Variants in SYBU observed in about 807,000 individuals in gnomAD.
SYBU encodes the protein syntabulin, also known as GOLSYN A protein.
A neutral mutation model predicts 35.9 loss-of-function variants in SYBU; 21 were observed. The ratio of observed to expected loss-of-function variants is 0.58; its 90% CI spans 0.41 to 0.84. The LOEUF (loss-of-function observed/expected upper bound fraction) is 0.84, where lower values mean the gene tolerates loss of function less well. Ranked by LOEUF, SYBU falls within the 40% of genes least tolerant of loss-of-function variation. The pLI is 0.00. For synonymous variants in SYBU, 319 were observed against 324.3 expected (o/e 0.98, Z 0.18); for missense variants, 768 against 848.2 (o/e 0.91, Z 1.17).
chr8:109,684,396 T>G (rs1817472224), upstream of SYBU, among the ~76,000 whole-genome samples: 1 of 152,226 alleles, frequency 6.6e-6, no homozygotes, highest in Admixed American at 6.5e-5. Context: ...TGGTAAGAGC[T>G]GAATAATAGA....
chr8:109,597,888 C>A (rs781224179), intron 3 of SYBU, among the ~76,000 whole-genome samples: 2 of 152,164 alleles, frequency 1.3e-5, no homozygotes, highest in Non-Finnish European at 2.9e-5. Context: ...GCGAGTCAGG[C>A]AATTATGGGA....
At chr8:109,676,843 G>T (rs551320625) in intron 1 of SYBU, among the ~76,000 whole-genome samples, 11 of 152,302 alleles carry the variant, frequency 7.2e-5, no homozygotes, top group African/African-American at 2.6e-4. Flanking sequence ...GAGGGAATGG[G>T]ATTCTCTGCA....
At chr8:109,615,827 G>A (rs1463544420) in intron 3 of SYBU, among the ~76,000 whole-genome samples, 1 of 151,868 alleles carries the variant, frequency 6.6e-6, no homozygotes, top group Non-Finnish European at 1.5e-5. Flanking sequence ...CCCCTGAAAT[G>A]GTATGTGATA....
intron 1 of SYBU, among the ~76,000 whole-genome samples, chr8:109,663,847 T>C (rs553734089): frequency 2.0e-5 from 3 of 152,318 alleles, no homozygotes; most frequent in African/African-American, 7.2e-5. Flanking sequence ...CAGGTTGTCC[T>C]ATACTTCTGA....
chr8:109,645,663 G>A (rs1397808318), upstream of SYBU: 3 of 277,442 alleles, frequency 1.1e-5, no homozygotes, highest in Non-Finnish European at 2.0e-5. Flanking sequence ...CTGTTGAAAC[G>A]GCATCTCGTT....
At chr8:109,658,075 T>C (rs1482880338) in intron 1 of SYBU, among the ~76,000 whole-genome samples, 1 of 152,188 alleles carries the variant, frequency 6.6e-6, no homozygotes, top group Non-Finnish European at 1.5e-5. Context: ...CCATACAAAA[T>C]CCCTTTCTTG....
intron 1 of SYBU, among the ~76,000 whole-genome samples, chr8:109,689,646 A>G (rs577056034): frequency 3.9e-5 from 6 of 152,068 alleles, no homozygotes; most frequent in Non-Finnish European, 8.8e-5. Flanking sequence ...ATTTTATCTT[A>G]TATGTAGATT....
At chr8:109,645,276 A>T (rs1288582510), upstream of SYBU, 2 of 456,586 alleles carry the variant, frequency 4.4e-6, no homozygotes, top group South Asian at 3.1e-5. Flanking sequence ...AGCTGCAGAG[A>T]TCCCTCTCGT....
At chr8:109,641,191 T>C (rs1033394456) in intron 2 of SYBU, among the ~76,000 whole-genome samples, 1 of 152,206 alleles carries the variant, frequency 6.6e-6, no homozygotes, top group South Asian at 2.1e-4. Flanking sequence ...TGTGCTTCAA[T>C]GGGAATAAAA....
At chr8:109,657,804 A>G (rs1295962967) in intron 1 of SYBU, among the ~76,000 whole-genome samples, 1 of 152,142 alleles carries the variant, frequency 6.6e-6, no homozygotes, top group Admixed American at 6.6e-5. Context: ...TGTTTAATAA[A>G]CATTTCATGT....
At chr8:109,640,702 T>C (rs911589292) in intron 2 of SYBU, among the ~76,000 whole-genome samples, 4 of 152,018 alleles carry the variant, frequency 2.6e-5, no homozygotes, top group African/African-American at 9.7e-5. Context: ...TTAAACTAGA[T>C]TCATGTGATT....
At chr8:109,609,771 TAATA>T (rs1810962926) in intron 3 of SYBU, among the ~76,000 whole-genome samples, 1 of 152,100 alleles carries the variant, frequency 6.6e-6, no homozygotes, top group South Asian at 2.1e-4. Context: ...CTCTCTAAAA[TAATA>T]AATAATTAAA....
At position 109,586,165 on chromosome 8, in the gene SYBU, G is replaced by GA; in HGVS notation, c.428-4dup. 1 of 1,598,618 alleles carries GA rather than the reference G, an allele frequency of 6.3e-7. No homozygotes were observed. The highest frequency in any genetic ancestry group is 8.5e-7 in the Non-Finnish European group (1 of 1,172,060). On this transcript the variant is annotated splice_polypyrimidine_tract_variant and splice_region_variant and intron_variant, in intron 3 of 6. Transcript: ENST00000276646. ...GGAGCTAAAATCAGCTTCACTACCT[G>GA]AAAAACAACAGGGGAGAGAGAAGCG...
chr8:109,625,916 T>C (rs60791710), intron 2 of SYBU, among the ~76,000 whole-genome samples: 8,286 of 152,266 alleles, frequency 0.054, 761 homozygotes, highest in African/African-American at 0.19. Context: ...TATATTCCTA[T>C]TATTGTATGA....
intron 3 of SYBU, among the ~76,000 whole-genome samples, chr8:109,594,083 C>T (rs970056358): frequency 2.6e-5 from 4 of 152,146 alleles, no homozygotes; most frequent in African/African-American, 9.7e-5. Context: ...AGCATTTATC[C>T]AGTGTTTACC....
intron 2 of SYBU, among the ~76,000 whole-genome samples, chr8:109,636,074 G>C (rs938837271): frequency 2.0e-5 from 3 of 152,150 alleles, no homozygotes; most frequent in African/African-American, 4.8e-5. Flanking sequence ...CCTAGTTCCT[G>C]TATGGACCCT....
chr8:109,677,123 T>C (rs1398272942), intron 1 of SYBU, among the ~76,000 whole-genome samples: 2 of 152,108 alleles, frequency 1.3e-5, no homozygotes, highest in Non-Finnish European at 2.9e-5. Context: ...GCGAGTGTTA[T>C]GCACATGGGT....
chr8:109,649,843 G>A (rs756819687), intron 1 of SYBU, among the ~76,000 whole-genome samples: 2 of 152,216 alleles, frequency 1.3e-5, no homozygotes, highest in Admixed American at 6.5e-5. Flanking sequence ...GCTCTGGAAA[G>A]TATGCGTGTA....
chr8:109,574,274 C>G lies in SYBU; in HGVS notation c.*632G>C. On this transcript the variant is annotated 3_prime_UTR_variant, in exon 7 of 7. Transcript: ENST00000276646. Reference sequence around the variant, plus strand: ...TGTGGTTACAATTTCCAATAAAACACTATATATAATAAGCAAAATAAGTTA... The same window carrying G: ...TGTGGTTACAATTTCCAATAAAACAGTATATATAATAAGCAAAATAAGTTA... The G allele has an allele frequency of 6.6e-6, 1 of 152,564 alleles. No homozygotes were observed. The highest frequency in any genetic ancestry group is 1.9e-4 in the East Asian group (1 of 5,196). The allele number at this position is 152,564 out of a possible 1,614,324, so 9.5% of individuals were successfully genotyped here. A position where few individuals can be genotyped will look rare whatever the true frequency, so the allele number is the denominator to read the frequency against.
Sources: allele counts gnomAD v4.1 joint callset (sites outside exome capture counted in the v4.1 genomes callset), GRCh38; gene constraint gnomAD v4.1.1; transcripts MANE v1.5; gene names NCBI Gene and HGNC (gene_info 2026-07-23, HGNC 2026-07-21).